The following ENTREP2 variants were observed in gnomAD, a reference collection of about 807,000 sequenced individuals.
ENTREP2 encodes endosomal transmembrane epsin interactor 2, also known as protein ENTREP2.
the ENTREP2 span, among the ~76,000 whole-genome samples, chr15:29,427,814 G>C: frequency 1.3e-5 from 2 of 152,250 alleles, no homozygotes; most frequent in Admixed American, 1.3e-4. Flanking sequence ...AGTGGGGTTG[G>C]GGGTACGAGT....
chr15:29,273,405 C>T, the ENTREP2 span, among the ~76,000 whole-genome samples: 3 of 151,888 alleles, frequency 2.0e-5, no homozygotes, highest in Non-Finnish European at 4.4e-5. Flanking sequence ...ACCATGTTAG[C>T]CAGGCTGGTC....
the ENTREP2 span, chr15:29,124,846 C>T: frequency 8.4e-6 from 10 of 1,193,720 alleles, no homozygotes; most frequent in South Asian, 1.2e-4. Flanking sequence ...GTGACTAAGA[C>T]ATTTTAGATG....
chr15:29,580,139 G>A, the ENTREP2 span, among the ~76,000 whole-genome samples: 1 of 151,976 alleles, frequency 6.6e-6, no homozygotes, highest in African/African-American at 2.4e-5. Context: ...GAGTCACCAC[G>A]CCTAGCCTGG....
chr15:29,138,376 TGA>T, the ENTREP2 span, among the ~76,000 whole-genome samples: 1 of 152,212 alleles, frequency 6.6e-6, no homozygotes, highest in Non-Finnish European at 1.5e-5. Flanking sequence ...ACCTGTGGCG[TGA>T]GATGCCTGGG....
the ENTREP2 span, among the ~76,000 whole-genome samples, chr15:29,515,895 T>C: frequency 2.0e-5 from 3 of 152,052 alleles, no homozygotes; most frequent in Non-Finnish European, 4.4e-5. Context: ...ACCTATGCCG[T>C]CAAATATGGT....
the ENTREP2 span, chr15:29,136,216 TCCGGGGG>T: frequency 1.3e-6 from 1 of 770,740 alleles, no homozygotes; most frequent in South Asian, 2.3e-5. Context: ...GATGAATGCA[TCCGGGGG>T]CCTCGGCACA....
chr15:29,269,751 C>G, the ENTREP2 span: 3 of 1,422,620 alleles, frequency 2.1e-6, no homozygotes, highest in Non-Finnish European at 2.7e-6. Context: ...GGCAAGCAGC[C>G]GCGGCGGGGA....
chr15:29,574,323 C>A, the ENTREP2 span, among the ~76,000 whole-genome samples: 3 of 152,110 alleles, frequency 2.0e-5, no homozygotes, highest in African/African-American at 7.2e-5. Flanking sequence ...AAGACAGAGT[C>A]TCAGTCTGTC....
At chr15:29,303,412 C>G in the ENTREP2 span, among the ~76,000 whole-genome samples, 2 of 152,066 alleles carry the variant, frequency 1.3e-5, no homozygotes, top group Non-Finnish European at 2.9e-5. Flanking sequence ...ACAGATAGCC[C>G]ATGGCCATGC....
chr15:29,191,105 C>A, the ENTREP2 span, among the ~76,000 whole-genome samples: 1 of 152,138 alleles, frequency 6.6e-6, no homozygotes, highest in Non-Finnish European at 1.5e-5. Flanking sequence ...CCTTTCACTG[C>A]AGTCAAAGTC....
the ENTREP2 span, among the ~76,000 whole-genome samples, chr15:29,141,738 G>A: frequency 6.6e-6 from 1 of 152,218 alleles, no homozygotes; most frequent in East Asian, 1.9e-4. Flanking sequence ...CTTAGACTTG[G>A]TAGAAACAGC....
At chr15:29,302,219 C>T in the ENTREP2 span, among the ~76,000 whole-genome samples, 1 of 151,890 alleles carries the variant, frequency 6.6e-6, no homozygotes, top group Admixed American at 6.6e-5. Flanking sequence ...AATGGAAAAC[C>T]AAAACTATTC....
chr15:29,160,359 C>T, the ENTREP2 span, among the ~76,000 whole-genome samples: 12 of 152,144 alleles, frequency 7.9e-5, no homozygotes, highest in African/African-American at 2.9e-4. Flanking sequence ...TCCTCAAGTG[C>T]CGCCAAAGTG....
chr15:29,135,632 G>C, the ENTREP2 span, among the ~76,000 whole-genome samples: 2 of 152,018 alleles, frequency 1.3e-5, no homozygotes, highest in Non-Finnish European at 2.9e-5. This position sits in a 1 kb window ranked among gnomAD's most constrained non-coding sequence, Gnocchi z 7.4. Context: ...ATCCCATTTC[G>C]TCCCATAACC....
the ENTREP2 span, among the ~76,000 whole-genome samples, chr15:29,295,939 A>G: frequency 1.1e-4 from 16 of 152,318 alleles, no homozygotes; most frequent in African/African-American, 3.8e-4. Context: ...AACCTTGGGG[A>G]AGAGGGGACT....
the ENTREP2 span, among the ~76,000 whole-genome samples, chr15:29,300,139 AAATG>A: frequency 1.4e-5 from 2 of 138,640 alleles, no homozygotes; most frequent in Non-Finnish European, 3.1e-5. Context: ...GTAGGTGAGT[AAATG>A]GATGGATAAT....
the ENTREP2 span, chr15:29,252,519 G>C: frequency 8.2e-7 from 1 of 1,214,048 alleles, no homozygotes; most frequent in East Asian, 2.6e-5. Flanking sequence ...TTCACTTGGA[G>C]AGGCTCAAAG....
At chr15:29,206,743 T>C in the ENTREP2 span, among the ~76,000 whole-genome samples, 1 of 152,014 alleles carries the variant, frequency 6.6e-6, no homozygotes, top group Admixed American at 6.6e-5. Context: ...ATACGGTAAA[T>C]ATACTAAGAA....
the ENTREP2 span, among the ~76,000 whole-genome samples, chr15:29,239,777 G>GC: frequency 6.6e-6 from 1 of 152,128 alleles, no homozygotes; most frequent in African/African-American, 2.4e-5. Context: ...CCGTTTACAT[G>GC]CTTGACGTGG....
Sources: gnomAD v4.1 joint callset for allele counts (sites outside exome capture counted in the v4.1 genomes callset) on GRCh38, gnomAD v4.1.1 for gene constraint, Gnocchi (gnomAD v3.1) non-coding constraint, MANE v1.5 for transcripts, NCBI Gene and HGNC (gene_info 2026-07-23, HGNC 2026-07-21) for gene names.